Variants in NT5C3A observed in about 807,000 individuals in gnomAD.
NT5C3A encodes the protein 5'-nucleotidase, cytosolic IIIA.
NT5C3A carries 23 observed loss-of-function variants against 40.0 expected under a neutral mutation model. The ratio of observed to expected loss-of-function variants is 0.58; its 90% CI spans 0.41 to 0.81. The LOEUF (loss-of-function observed/expected upper bound fraction) is 0.81. NT5C3A is among the 40% of genes least tolerant of loss of function. NT5C3A has a pLI of 0.00. For missense variants in NT5C3A, 328 were observed against 403.0 expected, an observed-to-expected ratio of 0.81 and a Z score of 1.59; for synonymous variants, 130 against 141.4, an observed-to-expected ratio of 0.92 and a Z score of 0.57.
chr7:33,032,353 C>T (rs867133116), intron 1 of NT5C3A, among the ~76,000 whole-genome samples: 10 of 137,160 alleles, frequency 7.3e-5, no homozygotes, highest in African/African-American at 2.8e-4. Flanking sequence ...ACCCAGGAGG[C>T]GGAGGTTGCA....
intron 3 of NT5C3A, among the ~76,000 whole-genome samples, chr7:33,022,843 T>G (rs75684602): frequency 2.0e-5 from 3 of 152,210 alleles, no homozygotes; most frequent in Admixed American, 2.0e-4. Flanking sequence ...AATAAAGTTT[T>G]TTAAAAACTG....
At chr7:33,050,589 G>A (rs1336780907) in intron 1 of NT5C3A, among the ~76,000 whole-genome samples, 1 of 152,314 alleles carries the variant, frequency 6.6e-6, no homozygotes, top group Middle Eastern at 3.4e-3. Context: ...AAGACAGAAT[G>A]GGGACAGGAA....
chr7:33,052,485 C>CA (rs60149792), intron 1 of NT5C3A, among the ~76,000 whole-genome samples: 1,242 of 74,090 alleles, frequency 0.017, 23 homozygotes, highest in Non-Finnish European at 0.022. Context: ...GACTCGGTCT[C>CA]AAAAAAAAAA....
chr7:33,025,139 G>A (rs1289063862), intron 2 of NT5C3A, among the ~76,000 whole-genome samples: 72 of 151,576 alleles, frequency 4.8e-4, no homozygotes, highest in Admixed American at 4.7e-3. Context: ...ACTCCATCTC[G>A]AAAAAATAAA....
At chr7:33,025,064 G>A (rs1455310066) in intron 2 of NT5C3A, among the ~76,000 whole-genome samples, 1 of 152,106 alleles carries the variant, frequency 6.6e-6, no homozygotes, top group African/African-American at 2.4e-5. Context: ...ACTTGAACCT[G>A]GGAGGCGCAG....
At chr7:33,015,594 T>G in intron 8 of NT5C3A, 76 bp downstream of exon 8, 2 of 933,920 alleles carry the variant, frequency 2.1e-6, no homozygotes, top group Non-Finnish European at 3.4e-6. Context: ...CTTTCTCAGG[T>G]GACTATGGCA....
chr7:33,049,100 G>A (rs988423624), intron 1 of NT5C3A, among the ~76,000 whole-genome samples: 22 of 152,100 alleles, frequency 1.4e-4, no homozygotes, highest in African/African-American at 5.1e-4. Context: ...AAGGCACTTA[G>A]AATAGTATAC....
At chr7:33,055,608 A>G (rs1583971662) in intron 1 of NT5C3A, among the ~76,000 whole-genome samples, 2 of 152,294 alleles carry the variant, frequency 1.3e-5, no homozygotes, top group South Asian at 2.1e-4. Context: ...ACATGGACGC[A>G]TTGGCCATGA....
rs1461594684 is a variant in NT5C3A, at chr7:33,062,605, T to G, written c.101A>C (p.Lys34Thr). 6.2e-7 allele frequency: 1 copy of G among 1,609,776 alleles called. No individual in the cohort carries two copies. Among genetic ancestry groups the G allele is most frequent in the Non-Finnish European group, 8.5e-7 (1 of 1,178,860 alleles). The change falls in exon 1 of 9, where the codon AAG becomes ACG. Residue 34 changes from lysine to threonine, a missense_variant. Lys to Thr is a moderately conservative substitution (Grantham distance 78). This residue lies in a region of NT5C3A where 280 missense variants were observed against 317.2 expected (regional missense o/e 0.88). Transcript: ENST00000610140. Reference protein sequence around the residue: ...VVLAQYIFTLKRKTGRKTKII... With the variant: ...VVLAQYIFTLTRKTGRKTKII... ...CTTGGTCTTCCGCCCCGTCTTCCTC[T>G]TCAAGGTGAATATGTACTGAGCCAG...
chr7:33,047,384 A>G (rs1048607299), intron 1 of NT5C3A, among the ~76,000 whole-genome samples: 10 of 152,228 alleles, frequency 6.6e-5, no homozygotes, highest in African/African-American at 1.7e-4. Context: ...TACTAAGGCA[A>G]GAGAACAATA....
chr7:33,049,576 A>G (rs79124220), intron 1 of NT5C3A, among the ~76,000 whole-genome samples: 3,071 of 152,332 alleles, frequency 0.02, 101 homozygotes, highest in African/African-American at 0.071. Flanking sequence ...TATCTTACCA[A>G]AATTAGGAAC....
chr7:33,014,844 T>C lies in NT5C3A; in HGVS notation c.895-13A>G. The C allele has an allele frequency of 3.1e-6, 5 of 1,604,932 alleles. No homozygotes were observed. Among genetic ancestry groups the C allele is most frequent in the Non-Finnish European group, 4.3e-6 (5 of 1,174,246 alleles). On this transcript the variant is annotated splice_polypyrimidine_tract_variant and intron_variant, in intron 8 of 8. Coordinates refer to ENST00000610140, the MANE Select transcript of NT5C3A (RefSeq NM_001002010.5). ...AAAGCTCATCCACCTAATCAAGAGA[T>C]GAACAAAAGAAAATTAACATGCAGG...
chr7:33,016,007 C>A, intron 7 of NT5C3A, 137 bp from the exon 8 acceptor site: 1 of 671,182 alleles, frequency 1.5e-6, no homozygotes, highest in South Asian at 1.7e-5. Flanking sequence ...GATCTCAAAG[C>A]ACTTAAGTCC....
At chr7:33,029,719 C>T (rs1330730944) in intron 1 of NT5C3A, 1 of 1,281,480 alleles carries the variant, frequency 7.8e-7, no homozygotes, top group Non-Finnish European at 1.0e-6. Context: ...GCTACACTAA[C>T]AAATGTAAGA....
chr7:33,023,944 T>C (rs547359574), intron 3 of NT5C3A, 95 bp downstream of exon 3: 1 of 785,908 alleles, frequency 1.3e-6, no homozygotes, highest in African/African-American at 1.7e-5. Context: ...CCAAGAAGAA[T>C]TTTAAAAACC....
chr7:33,053,935 T>C (rs753373989), intron 1 of NT5C3A, among the ~76,000 whole-genome samples: 4 of 152,188 alleles, frequency 2.6e-5, no homozygotes, highest in East Asian at 1.9e-4. Context: ...TTGTGGCATA[T>C]GGATAATCTA....
chr7:33,062,392 C>T (rs1303850703), intron 1 of NT5C3A, among the ~76,000 whole-genome samples, 176 bp downstream of exon 1: 1 of 152,222 alleles, frequency 6.6e-6, no homozygotes. Flanking sequence ...TGGCCGCACG[C>T]GGGGCGGCCG....
At chr7:33,030,536 C>A (rs1213076664) in intron 1 of NT5C3A, among the ~76,000 whole-genome samples, 5 of 152,070 alleles carry the variant, frequency 3.3e-5, no homozygotes, top group African/African-American at 1.2e-4. Flanking sequence ...AAAAAGAGAA[C>A]AAATTCATTT....
intron 1 of NT5C3A, among the ~76,000 whole-genome samples, chr7:33,056,874 T>C (rs1787591943): frequency 6.6e-6 from 1 of 152,136 alleles, no homozygotes; most frequent in Non-Finnish European, 1.5e-5. Flanking sequence ...TGCAATGGTG[T>C]GATCTCCGTT....
Sources: allele counts gnomAD v4.1 joint callset (sites outside exome capture counted in the v4.1 genomes callset), GRCh38; gene constraint gnomAD v4.1.1; regional missense constraint gnomAD v4.1.1; transcripts MANE v1.5; gene names NCBI Gene and HGNC (gene_info 2026-07-23, HGNC 2026-07-21).